Variants in CERCAM observed in about 807,000 individuals in gnomAD.
CERCAM encodes the protein cerebral endothelial cell adhesion molecule, also known as inactive glycosyltransferase 25 family member 3.
In CERCAM, 59 loss-of-function variants were observed where a neutral mutation model predicts 66.0. The observed-to-expected ratio is 0.89, with a 90% CI of 0.73 to 1.11. CERCAM has a LOEUF of 1.11. Ranked by LOEUF, CERCAM falls within the 50% of genes most tolerant of loss-of-function variation. The pLI, the probability that CERCAM is intolerant of heterozygous loss-of-function variation, is 0.00. For missense variants in CERCAM, 840 were observed against 828.3 expected, an observed-to-expected ratio of 1.01 and a Z score of -0.17; for synonymous variants, 318 against 343.6, an observed-to-expected ratio of 0.93 and a Z score of 0.83.
chr9:128,422,971 G>A lies in CERCAM; in HGVS notation c.301G>A (p.Glu101Lys), dbSNP rs139960136. Reference protein sequence around the residue: ...YAAVVWRPEGEPRFYPDEEGP... With the variant: ...YAAVVWRPEGKPRFYPDEEGP... ...TGCTGTGGTCTGGAGGCCTGAGGGC[G>A]AGCCCAGGTGGTGATCTGAGGGGAA... Residue 101 changes from glutamate to lysine, a missense_variant, in exon 2 of 13, where the codon GAG becomes AAG. Coordinates refer to ENST00000372838, the MANE Select transcript of CERCAM (RefSeq NM_016174.5). The A allele has an allele frequency of 1.9e-4, 299 of 1,613,742 alleles. No individual in the cohort carries two copies. The African/African-American group carries it at 3.3e-3, about 18-fold the overall frequency.
intron 5 of CERCAM, among the ~76,000 whole-genome samples, chr9:128,426,797 G>A (rs1259757367): frequency 6.6e-6 from 1 of 152,170 alleles, no homozygotes; most frequent in Non-Finnish European, 1.5e-5. Context: ...ATTTAATCAA[G>A]TAATCAGTGG....
chr9:128,431,242 G>C lies in CERCAM; in HGVS notation c.1142G>C (p.Gly381Ala), dbSNP rs773862156. The change falls in exon 9 of 13, where the codon GGC becomes GCC. Residue 381 changes from glycine (G) to alanine (A), a missense_variant. Physicochemically the swap from Gly to Ala is moderately conservative, Grantham distance 60. Transcript: ENST00000372838. ...LLPGYQDPYS[G>A]RTLTKGEVGC... ...CCGGGCTACCAGGACCCTTACTCGG[G>C]CCGCACTCTGACCAAGGGCGAGGTG... The C allele has an allele frequency of 2.5e-5, 41 of 1,613,936 alleles. No individual in the cohort carries two copies. The South Asian group carries it at 4.5e-4, about 18-fold the overall frequency.
chr9:128,427,368 T>C (rs942652257), intron 5 of CERCAM, among the ~76,000 whole-genome samples: 1 of 151,922 alleles, frequency 6.6e-6, no homozygotes, highest in Admixed American at 6.6e-5. Flanking sequence ...CTGCCTGGGC[T>C]TCCCAAAGTG....
chr9:128,430,201 C>A (rs1324143691), intron 8 of CERCAM, among the ~76,000 whole-genome samples: 3 of 152,056 alleles, frequency 2.0e-5, no homozygotes, highest in Non-Finnish European at 4.4e-5. Flanking sequence ...AGTTCGAGAC[C>A]AGCCTGGCCA....
At position 128,434,656 on chromosome 9, in the gene CERCAM, C is replaced by A. The variant is rs771209984; in HGVS notation, c.1535+43C>A. 3.8e-6 allele frequency: 6 copies of A among 1,568,700 alleles called. No individual in the cohort carries two copies. Among genetic ancestry groups the A allele is most frequent in the Non-Finnish European group, 5.2e-6 (6 of 1,155,922 alleles). ...GCCGGGCATGGCAGGGCAGAGGCGT[C>A]CCCTCCAGGAACTCACCTCAGTCAG... On this transcript the variant is annotated intron_variant, in intron 11 of 12. Transcript: ENST00000372838. The surrounding 1 kb of genome is among the most constrained non-coding windows in gnomAD (Gnocchi z 4.5).
In CERCAM at chr9:128,431,033, G is replaced by A. The variant is rs1833962037; in HGVS notation, c.1071-138G>A. The A allele has an allele frequency of 1.3e-5, 14 of 1,062,052 alleles. No homozygotes were observed. The South Asian group carries it at 1.7e-4, about 13-fold the overall frequency. 65.8% of individuals were successfully genotyped at this position (1,062,052 alleles called of 1,614,324 possible). A position where few individuals can be genotyped will look rare whatever the true frequency, so the allele number is the denominator to read the frequency against. On this transcript the variant is annotated intron_variant, in intron 8 of 12. Coordinates refer to ENST00000372838, the MANE Select transcript of CERCAM (RefSeq NM_016174.5). The stretch of plus-strand genomic sequence containing the variant: ...AGGTCCAGTCCCTTGACAGCTTCAG[G>A]TCACACAAAGGAGTTACAAGGCAGA...
At position 128,428,388 on chromosome 9, in the gene CERCAM, G is replaced by A. The variant is rs1164861767; in HGVS notation, c.853G>A (p.Val285Ile). 1.2e-6 allele frequency: 2 copies of A among 1,614,140 alleles called. No individual in the cohort carries two copies. The highest frequency in any genetic ancestry group is 2.2e-5 in the South Asian group (2 of 91,076). The change falls in exon 6 of 13, where the codon GTC becomes ATC. Residue 285 changes from valine (V) to isoleucine (I), a missense_variant. Val to Ile is a conservative substitution (Grantham distance 29). Transcript: ENST00000372838. ...CCACCAGGGGCTGGAAGACGAGAGG[G>A]TCAACTTCATCCACCTGATCTTAGA... ...KSHQGLEDER[V>I]NFIHLILEAL...
At chr9:128,420,838 G>T (rs948294375), upstream of CERCAM, 29 of 1,078,334 alleles carry the variant, frequency 2.7e-5, no homozygotes, top group Non-Finnish European at 3.2e-5. The surrounding 1 kb of genome is among the most constrained non-coding windows in gnomAD (Gnocchi z 5.0). Flanking sequence ...CGGCCGGCCC[G>T]AGAGCTCCGG....
chr9:128,435,612 G>C, intron 11 of CERCAM, 41 bp from the exon 12 acceptor site: 1 of 1,549,070 alleles, frequency 6.5e-7, no homozygotes, highest in Non-Finnish European at 8.7e-7. Flanking sequence ...GGGGAGTAGG[G>C]GCCCGCCTCA....
Position 128,425,094 on chromosome 9 carries a change from G to C in CERCAM, c.766+480G>C, listed in dbSNP as rs189104045. Among the ~76,000 whole-genome samples, 110 of 149,316 alleles carry C rather than the reference G, an allele frequency of 7.4e-4. 1 individual carries two copies. Among genetic ancestry groups the C allele is most frequent in the Non-Finnish European group, 6.2e-4 (42 of 67,686 alleles). On this transcript the variant is annotated intron_variant, in intron 5 of 12. Transcript: ENST00000372838. ...TGTTTTTGGGACAGAGTCTCACTCT[G>C]TCGCCCAGGCTGGAGTGCAGTGGCC... is the stretch of plus-strand genomic sequence containing the variant.
Position 128,424,542 on chromosome 9 carries a change from T to C in CERCAM, c.694T>C (p.Tyr232His), listed in dbSNP as rs1468989519. ...TGAAGGGGCAGACCAGCTTGCTTTC[T>C]ACCCGCCACATCCCAACTACACTTG... ...RAEGADQLAF[Y>H]PPHPNYTWPF... The change falls in exon 5 of 13, where the codon TAC (tyrosine) becomes CAC (histidine). Residue 232 changes from tyrosine (Y) to histidine (H), a missense_variant. Transcript: ENST00000372838. 3.7e-6 allele frequency: 6 copies of C among 1,613,988 alleles called. No individual in the cohort carries two copies. In the Admixed American group the frequency reaches 1.0e-4, roughly 27 times the overall value.
intron 9 of CERCAM, among the ~76,000 whole-genome samples, chr9:128,432,936 C>A: frequency 6.6e-6 from 1 of 151,690 alleles, no homozygotes; most frequent in Middle Eastern, 3.2e-3. Flanking sequence ...GAGTTCAAGA[C>A]CAGCCTGGCC....
At chr9:128,430,274 T>C (rs1833944769) in intron 8 of CERCAM, among the ~76,000 whole-genome samples, 2 of 152,100 alleles carry the variant, frequency 1.3e-5, no homozygotes, top group South Asian at 4.2e-4. Flanking sequence ...TGGTAGTGGG[T>C]GCCTGTAATC....
chr9:128,429,106 G>A, intron 8 of CERCAM, 70 bp downstream of exon 8: 2 of 1,167,920 alleles, frequency 1.7e-6, no homozygotes, highest in Non-Finnish European at 2.4e-6. Flanking sequence ...TAGCCCGCTA[G>A]GACTGGGAAA....
At chr9:128,425,814 C>CA (rs1833832310) in intron 5 of CERCAM, among the ~76,000 whole-genome samples, 2 of 140,630 alleles carry the variant, frequency 1.4e-5, no homozygotes, top group Non-Finnish European at 3.0e-5. Flanking sequence ...CCCAGCCCAG[C>CA]CTTTTTTTTT....
At chr9:128,427,503 C>T (rs1262544813) in intron 5 of CERCAM, 2 of 152,094 alleles carry the variant, frequency 1.3e-5, no homozygotes, top group Non-Finnish European at 2.9e-5. Context: ...GTGGCTCACG[C>T]CTGTAATCCC....
chr9:128,433,223 G>A (rs1234825107), intron 9 of CERCAM, among the ~76,000 whole-genome samples: 1 of 149,470 alleles, frequency 6.7e-6, no homozygotes, highest in Non-Finnish European at 1.5e-5. Flanking sequence ...AGCATGCAGT[G>A]AGCCGAGATT....
At chr9:128,421,429 G>A (rs1833706585) in intron 1 of CERCAM, 1 of 1,041,596 alleles carries the variant, frequency 9.6e-7, no homozygotes, top group South Asian at 4.6e-5. Flanking sequence ...GGCTGGATTT[G>A]AAGAGGAGCA....
Position 128,434,705 on chromosome 9 carries a change from A to G in CERCAM, c.1535+92A>G. 1 of 1,304,428 alleles carries G rather than the reference A, an allele frequency of 7.7e-7. No individual in the cohort carries two copies. The highest frequency in any genetic ancestry group is 1.1e-6 in the Non-Finnish European group (1 of 947,636). The allele number at this position is 1,304,428 out of a possible 1,614,324, so 80.8% of individuals were successfully genotyped here. A position where few individuals can be genotyped will look rare whatever the true frequency, so the allele number is the denominator to read the frequency against. On this transcript the variant is annotated intron_variant, in intron 11 of 12. Coordinates refer to ENST00000372838, the MANE Select transcript of CERCAM (RefSeq NM_016174.5). This position sits in a 1 kb window ranked among gnomAD's most constrained non-coding sequence, Gnocchi z 4.5. The stretch of plus-strand genomic sequence containing the variant: ...AGCAGGAAGTCCCCTCACCTGGCAG[A>G]TGGGGAGACTGGGACTGGCAAGGCC...
Sources: gnomAD v4.1 joint callset for allele counts (sites outside exome capture counted in the v4.1 genomes callset) on GRCh38, gnomAD v4.1.1 for gene constraint, Gnocchi (gnomAD v3.1) non-coding constraint, MANE v1.5 for transcripts, NCBI Gene and HGNC (gene_info 2026-07-23, HGNC 2026-07-21) for gene names.